Variants in CDH9 observed in about 807,000 individuals in gnomAD.
The protein encoded by CDH9 is cadherin-9.
Under a neutral mutation model 70.9 loss-of-function variants are expected in CDH9, and 28 were observed. That is an observed-to-expected ratio of 0.40 (90% confidence interval 0.29 to 0.54). CDH9 has a LOEUF of 0.54. CDH9 is among the 20% of genes least tolerant of loss of function. CDH9 has a pLI of 0.59. For synonymous variants in CDH9, 409 were observed against 343.1 expected (o/e 1.19, Z -2.12); for missense variants, 874 against 984.4 (o/e 0.89, Z 1.50).
At chr5:26,997,360 T>A (rs1742684293) in intron 1 of CDH9, among the ~76,000 whole-genome samples, 1 of 152,106 alleles carries the variant, frequency 6.6e-6, no homozygotes, top group Admixed American at 6.6e-5. Flanking sequence ...GATTGGCCCC[T>A]TGAATGGAAA....
chr5:26,899,291 A>G (rs1034836146), intron 7 of CDH9, among the ~76,000 whole-genome samples: 17 of 152,284 alleles, frequency 1.1e-4, no homozygotes, highest in Admixed American at 1.1e-3. Context: ...AACCAGAAAT[A>G]CCATTTGACC....
At chr5:27,018,810 G>A (rs1219489978) in intron 1 of CDH9, among the ~76,000 whole-genome samples, 4 of 151,932 alleles carry the variant, frequency 2.6e-5, no homozygotes, top group Non-Finnish European at 5.9e-5. Flanking sequence ...ACAGCAGCAA[G>A]CAGAGAGCAG....
intron 7 of CDH9, among the ~76,000 whole-genome samples, chr5:26,894,859 CAG>C (rs1740722321): frequency 6.6e-6 from 1 of 152,016 alleles, no homozygotes; most frequent in African/African-American, 2.4e-5. Flanking sequence ...ATACTCTCTG[CAG>C]AGACAGGATC....
intron 1 of CDH9, among the ~76,000 whole-genome samples, chr5:27,025,977 T>C (rs1743214239): frequency 6.6e-6 from 1 of 152,030 alleles, no homozygotes; most frequent in South Asian, 2.1e-4. Context: ...CTTTCACTTA[T>C]AACCAGGAGG....
At chr5:27,014,638 A>G (rs924973470) in intron 1 of CDH9, among the ~76,000 whole-genome samples, 2 of 151,952 alleles carry the variant, frequency 1.3e-5, no homozygotes, top group African/African-American at 4.8e-5. Context: ...TCATACTTAT[A>G]TACCAGATAA....
intron 2 of CDH9, among the ~76,000 whole-genome samples, chr5:26,961,395 C>A (rs1348922871): frequency 6.6e-6 from 1 of 152,108 alleles, no homozygotes; most frequent in Admixed American, 6.6e-5. Context: ...GGGCCAACAT[C>A]TCCCCAATCA....
chr5:26,882,571 G>A (rs575814357), intron 11 of CDH9, among the ~76,000 whole-genome samples: 7 of 151,810 alleles, frequency 4.6e-5, no homozygotes, highest in East Asian at 1.9e-4. Context: ...AAGCAAACAC[G>A]ATTTTAAAAA....
intron 1 of CDH9, among the ~76,000 whole-genome samples, chr5:27,006,933 C>G (rs1742874055): frequency 6.6e-6 from 1 of 151,996 alleles, no homozygotes; most frequent in East Asian, 1.9e-4. Context: ...ACATACATAA[C>G]CAGAGAGTTT....
rs770856982 is a variant in CDH9, at chr5:26,902,561, T to C, written c.1168A>G (p.Ile390Val). ...TCCTTTACATCTTCATCTACTTCTATCAAGTAAGAGACTTTAGTGAACACA... is the reference window on the plus strand; with the variant it reads ...TCCTTTACATCTTCATCTACTTCTACCAAGTAAGAGACTTTAGTGAACACA... ...PPVFTKVSYL[I>V]EVDEDVKEGS... Residue 390 changes from isoleucine to valine, a missense_variant, in exon 7 of 12, where the codon ATA (isoleucine) becomes GTA (valine). Transcript: ENST00000231021. 6.3e-6 allele frequency: 10 copies of C among 1,593,064 alleles called. No homozygotes were observed. Among genetic ancestry groups the C allele is most frequent in the South Asian group, 5.5e-5 (5 of 90,644 alleles).
In CDH9 at chr5:26,925,054, T is replaced by A. The variant is rs185949725; in HGVS notation, c.229-9130A>T. 5.3e-5 allele frequency among the ~76,000 whole-genome samples: 8 copies of A among 152,294 alleles called. No individual in the cohort carries two copies. In the East Asian group the frequency reaches 1.5e-3, roughly 29 times the overall value. On this transcript the variant is annotated intron_variant, in intron 2 of 11. Coordinates refer to ENST00000231021, the MANE Select transcript of CDH9 (RefSeq NM_016279.4). Reference sequence around the variant, plus strand: ...TGTAGTAGCATGATTTATAATCCTTTGGGCATATATCCAGTAATGGCATCA... The same window carrying A: ...TGTAGTAGCATGATTTATAATCCTTAGGGCATATATCCAGTAATGGCATCA...
intron 2 of CDH9, among the ~76,000 whole-genome samples, chr5:26,962,751 A>G (rs1026269529): frequency 9.9e-5 from 15 of 151,854 alleles, no homozygotes; most frequent in African/African-American, 3.6e-4. Context: ...ATTTTATTTT[A>G]TTTTATTATA....
At chr5:26,903,531 T>C (rs1173898352) in intron 6 of CDH9, 106 bp downstream of exon 6, 10 of 800,832 alleles carry the variant, frequency 1.2e-5, no homozygotes, top group East Asian at 2.4e-5. Flanking sequence ...ATAGACAGCA[T>C]GTAAAAGATG....
intron 1 of CDH9, among the ~76,000 whole-genome samples, chr5:27,019,357 G>GT (rs1207289696): frequency 5.3e-5 from 8 of 151,820 alleles, no homozygotes; most frequent in African/African-American, 1.9e-4. Context: ...TTGATCTTTT[G>GT]TTTTTTTCTA....
At chr5:26,971,137 C>G (rs990139168) in intron 2 of CDH9, among the ~76,000 whole-genome samples, 1 of 152,138 alleles carries the variant, frequency 6.6e-6, no homozygotes, top group Non-Finnish European at 1.5e-5. Context: ...ATGGGAGCCT[C>G]TACTTCTAGC....
chr5:26,960,776 A>T (rs1742020170), intron 2 of CDH9, among the ~76,000 whole-genome samples: 1 of 146,650 alleles, frequency 6.8e-6, no homozygotes, highest in African/African-American at 2.4e-5. Flanking sequence ...TAAATTAGGT[A>T]AAAGTTTTCA....
intron 5 of CDH9, among the ~76,000 whole-genome samples, chr5:26,904,897 G>A (rs979602802): frequency 6.6e-6 from 1 of 151,930 alleles, no homozygotes; most frequent in Non-Finnish European, 1.5e-5. Context: ...AGTTTTGTTA[G>A]CATTATTATA....
At chr5:26,947,909 A>G (rs1448610186) in intron 2 of CDH9, among the ~76,000 whole-genome samples, 1 of 152,178 alleles carries the variant, frequency 6.6e-6, no homozygotes, top group Non-Finnish European at 1.5e-5. Flanking sequence ...TCCAAGATGT[A>G]GGGTTGCCTT....
At chr5:26,915,213 TAATGATCA>T (rs1203630597) in intron 3 of CDH9, among the ~76,000 whole-genome samples, 2 of 152,026 alleles carry the variant, frequency 1.3e-5, no homozygotes, top group Admixed American at 6.6e-5. Context: ...AAGTTGGCTT[TAATGATCA>T]AATGAAAAAA....
chr5:26,940,250 A>G (rs1411539837), intron 2 of CDH9, among the ~76,000 whole-genome samples: 2 of 152,160 alleles, frequency 1.3e-5, no homozygotes, highest in African/African-American at 4.8e-5. Context: ...AATTCCTAGA[A>G]CATGATATAA....
Sources: gnomAD v4.1 joint callset for allele counts (sites outside exome capture counted in the v4.1 genomes callset) on GRCh38, gnomAD v4.1.1 for gene constraint, MANE v1.5 for transcripts, NCBI Gene and HGNC (gene_info 2026-07-23, HGNC 2026-07-21) for gene names.